TMEM132D: variants seen among roughly 807,000 people sequenced by gnomAD.
TMEM132D encodes the protein transmembrane protein 132D, also known as mature OL transmembrane protein.
In TMEM132D, 21 loss-of-function variants were observed where a neutral mutation model predicts 62.3. That is an observed-to-expected ratio of 0.34 (90% CI 0.24 to 0.49). The LOEUF (loss-of-function observed/expected upper bound fraction) is 0.49, where lower values mean the gene tolerates loss of function less well. Ranked by LOEUF, TMEM132D falls within the 20% of genes least tolerant of loss-of-function variation. The pLI is 0.99. For synonymous variants in TMEM132D, 621 were observed against 575.6 expected, an observed-to-expected ratio of 1.08 and a Z score of -1.13; for missense variants, 1,346 against 1,402.8, an observed-to-expected ratio of 0.96 and a Z score of 0.65.
At chr12:129,851,068 T>C (rs1341251197) in intron 1 of TMEM132D, among the ~76,000 whole-genome samples, 1 of 152,196 alleles carries the variant, frequency 6.6e-6, no homozygotes, top group Non-Finnish European at 1.5e-5. Context: ...CATCTCAATA[T>C]TCATGCAAAT....
chr12:129,798,941 A>G (rs1324158916), intron 1 of TMEM132D, among the ~76,000 whole-genome samples: 1 of 152,192 alleles, frequency 6.6e-6, no homozygotes, highest in Non-Finnish European at 1.5e-5. Context: ...ATTACTCACA[A>G]ACTCTTAACG....
At chr12:129,620,155 C>T (rs1879026330) in intron 2 of TMEM132D, among the ~76,000 whole-genome samples, 1 of 152,224 alleles carries the variant, frequency 6.6e-6, no homozygotes, top group Non-Finnish European at 1.5e-5. Flanking sequence ...GCTGGCAACT[C>T]AACTTGGAAG....
chr12:129,075,546 C>T (rs1210405307), intron 8 of TMEM132D, among the ~76,000 whole-genome samples: 2 of 152,126 alleles, frequency 1.3e-5, no homozygotes, highest in Non-Finnish European at 2.9e-5. Flanking sequence ...AGCCTCTGAT[C>T]TAGATGAGGT....
At chr12:129,141,013 T>C (rs1276405867) in intron 5 of TMEM132D, among the ~76,000 whole-genome samples, 4 of 152,212 alleles carry the variant, frequency 2.6e-5, no homozygotes, top group African/African-American at 9.6e-5. Flanking sequence ...GGGAATAATA[T>C]TAAAGGCCCT....
intron 2 of TMEM132D, among the ~76,000 whole-genome samples, chr12:129,640,131 G>A (rs1041408784): frequency 1.2e-4 from 18 of 152,026 alleles, no homozygotes; most frequent in South Asian, 6.2e-4. Flanking sequence ...AAGGTCACTC[G>A]CCTATTAATA....
At chr12:129,596,815 C>T (rs895411245) in intron 2 of TMEM132D, among the ~76,000 whole-genome samples, 15 of 151,834 alleles carry the variant, frequency 9.9e-5, no homozygotes, top group African/African-American at 3.4e-4. Context: ...TCACCCCATC[C>T]ACCCCCCGCC....
chr12:129,515,994 TC>T, intron 3 of TMEM132D, among the ~76,000 whole-genome samples: 1 of 152,314 alleles, frequency 6.6e-6, no homozygotes, highest in African/African-American at 2.4e-5. Flanking sequence ...TATTCCTTTC[TC>T]TCCCCTACAA....
At chr12:129,687,957 CCT>C (rs1880972073) in intron 2 of TMEM132D, among the ~76,000 whole-genome samples, 1 of 152,188 alleles carries the variant, frequency 6.6e-6, no homozygotes, top group African/African-American at 2.4e-5. Flanking sequence ...TTATTACATT[CCT>C]CTCTCTTCCC....
intron 4 of TMEM132D, among the ~76,000 whole-genome samples, chr12:129,248,880 T>C (rs1008513237): frequency 2.0e-5 from 3 of 152,206 alleles, no homozygotes; most frequent in African/African-American, 7.2e-5. Flanking sequence ...ATAGTCTTGT[T>C]CTTTTTTTAT....
intron 2 of TMEM132D, among the ~76,000 whole-genome samples, chr12:129,639,720 T>C (rs989194182): frequency 2.0e-5 from 3 of 152,140 alleles, no homozygotes; most frequent in African/African-American, 4.8e-5. Context: ...CTTTGAAGAA[T>C]ATTCAAACTC....
At chr12:129,420,559 A>G (rs1259561920) in intron 3 of TMEM132D, among the ~76,000 whole-genome samples, 5 of 152,082 alleles carry the variant, frequency 3.3e-5, no homozygotes, top group Admixed American at 3.3e-4. Flanking sequence ...AAGGAAAGCA[A>G]TTTCTTGTGC....
chr12:129,078,318 T>C (rs771476693), intron 8 of TMEM132D, among the ~76,000 whole-genome samples: 8 of 152,242 alleles, frequency 5.3e-5, no homozygotes, highest in South Asian at 2.1e-4. Context: ...TCCTTATGTA[T>C]ATATGTATTT....
chr12:129,863,001 A>T (rs545177425), intron 1 of TMEM132D, among the ~76,000 whole-genome samples: 5 of 152,218 alleles, frequency 3.3e-5, no homozygotes, highest in Non-Finnish European at 5.9e-5. Context: ...ATTCCAGGGC[A>T]GATGTAAATG....
At chr12:129,293,248 G>T (rs755293938) in intron 4 of TMEM132D, among the ~76,000 whole-genome samples, 1 of 152,166 alleles carries the variant, frequency 6.6e-6, no homozygotes, top group Admixed American at 6.5e-5. Flanking sequence ...ATGTAGGTGG[G>T]GTGAAAGAGG....
intron 4 of TMEM132D, among the ~76,000 whole-genome samples, chr12:129,252,699 C>T (rs538982103): frequency 4.1e-4 from 62 of 152,086 alleles, no homozygotes; most frequent in African/African-American, 1.5e-3. Context: ...GGGTATATAC[C>T]CAAAGGATTA....
intron 5 of TMEM132D, among the ~76,000 whole-genome samples, chr12:129,185,826 T>C (rs1878207829): frequency 7.4e-6 from 1 of 135,256 alleles, no homozygotes; most frequent in African/African-American, 2.6e-5. Flanking sequence ...ATCTATCTGT[T>C]TTTCTCCTTA....
chr12:129,445,276 CAA>C (rs1176672986), intron 3 of TMEM132D, among the ~76,000 whole-genome samples: 1 of 151,976 alleles, frequency 6.6e-6, no homozygotes, highest in African/African-American at 2.4e-5. Flanking sequence ...CACATGGACA[CAA>C]AGAGGGGAAC....
chr12:129,113,636 T>G (rs974276236), intron 5 of TMEM132D, among the ~76,000 whole-genome samples: 3 of 152,096 alleles, frequency 2.0e-5, no homozygotes, highest in African/African-American at 4.8e-5. Context: ...GTGGAGAGTT[T>G]GTAGCTGTAG....
At chr12:129,793,369 G>A (rs1871457250) in intron 1 of TMEM132D, among the ~76,000 whole-genome samples, 1 of 151,886 alleles carries the variant, frequency 6.6e-6, no homozygotes, top group Non-Finnish European at 1.5e-5. Flanking sequence ...GAAAGGCTAG[G>A]AATTTTTACT....
Sources: gnomAD v4.1 joint callset for allele counts (sites outside exome capture counted in the v4.1 genomes callset) on GRCh38, gnomAD v4.1.1 for gene constraint, MANE v1.5 for transcripts, NCBI Gene and HGNC (gene_info 2026-07-23, HGNC 2026-07-21) for gene names.